The following NUP214 variants were observed in gnomAD, a reference collection of about 807,000 sequenced individuals.
NUP214 encodes nucleoporin 214.
A neutral mutation model predicts 196.2 loss-of-function variants in NUP214; 79 were observed. That is an observed-to-expected ratio of 0.40 (90% CI 0.34 to 0.49). The LOEUF is 0.49. NUP214 is among the 20% of genes least tolerant of loss of function. The pLI is 0.58. For missense variants in NUP214, 2,468 were observed against 2,539.0 expected (o/e 0.97, Z 0.60); for synonymous variants, 1,020 against 990.5 (o/e 1.03, Z -0.56).
At chr9:131,133,245 T>C in intron 7 of NUP214, 36 bp downstream of exon 7, 1 of 1,285,244 alleles carries the variant, frequency 7.8e-7, no homozygotes, top group South Asian at 1.5e-5. Context: ...GTTTGAGAAT[T>C]AGAGAAGTCT....
chr9:131,164,035 T>G (rs769241836), intron 20 of NUP214, 26 bp from the exon 21 acceptor site: 1 of 1,613,946 alleles, frequency 6.2e-7, no homozygotes, highest in Admixed American at 1.7e-5. Flanking sequence ...GTCTTAATCA[T>G]TTATGGGTTT....
At chr9:131,178,651 T>C (rs1833182081) in intron 24 of NUP214, among the ~76,000 whole-genome samples, 1 of 152,114 alleles carries the variant, frequency 6.6e-6, no homozygotes, top group Non-Finnish European at 1.5e-5. Flanking sequence ...ATGCTCAGTT[T>C]CTGTTTGCCA....
intron 4 of NUP214, 127 bp downstream of exon 4, chr9:131,129,604 G>A: frequency 4.6e-6 from 4 of 872,290 alleles, no homozygotes; most frequent in Non-Finnish European, 7.3e-6. Context: ...GGGAGGTTAA[G>A]GATGGAAGGT....
intron 30 of NUP214, among the ~76,000 whole-genome samples, chr9:131,206,686 C>T (rs149768500): frequency 6.6e-6 from 1 of 152,226 alleles, no homozygotes; most frequent in East Asian, 1.9e-4. Context: ...AAGTGATCCT[C>T]CCACCTGGAC....
intron 11 of NUP214, among the ~76,000 whole-genome samples, chr9:131,142,191 C>T (rs533875887): frequency 6.6e-6 from 1 of 152,300 alleles, no homozygotes; most frequent in East Asian, 1.9e-4. Context: ...CTATACCCAG[C>T]TGCCTGGTGT....
Position 131,134,870 on chromosome 9 carries a change from A to G in NUP214, c.832-28A>G, listed in dbSNP as rs1831671519. 14 of 1,511,208 alleles carry G rather than the reference A, an allele frequency of 9.3e-6. No individual in the cohort carries two copies. The East Asian group carries it at 3.2e-4, about 34-fold the overall frequency. 93.6% of individuals were successfully genotyped at this position (1,511,208 alleles called of 1,614,324 possible). On this transcript the variant is annotated intron_variant, in intron 7 of 35. Coordinates refer to ENST00000359428, the MANE Select transcript of NUP214 (RefSeq NM_005085.4). ...GATCTGAGAAAAATTGCACATGAGA[A>G]TTTTTTTTCTTGCTTTGTTCATTGT...
At chr9:131,155,678 G>A (rs1832415103) in intron 17 of NUP214, among the ~76,000 whole-genome samples, 1 of 152,190 alleles carries the variant, frequency 6.6e-6, no homozygotes, top group South Asian at 2.1e-4. Context: ...TGAGGATCCA[G>A]TTTCATTCTT....
chr9:131,188,627 A>G (rs964167784), intron 25 of NUP214, among the ~76,000 whole-genome samples: 5 of 152,268 alleles, frequency 3.3e-5, no homozygotes, highest in African/African-American at 1.2e-4. Context: ...AGTCATGGCG[A>G]GTGAAGGAAC....
At chr9:131,131,570 T>C (rs1024809357) in intron 5 of NUP214, among the ~76,000 whole-genome samples, 1 of 152,224 alleles carries the variant, frequency 6.6e-6, no homozygotes, top group Admixed American at 6.5e-5. Context: ...TATTTGTTAT[T>C]ACCAAAAGTT....
chr9:131,138,736 C>G (rs997849264), intron 9 of NUP214, among the ~76,000 whole-genome samples: 1 of 152,186 alleles, frequency 6.6e-6, no homozygotes, highest in Non-Finnish European at 1.5e-5. Context: ...GCTGACCAGC[C>G]TGAGGAACTG....
At chr9:131,175,792 C>T in intron 23 of NUP214, 171 bp downstream of exon 23, 1 of 996,298 alleles carries the variant, frequency 1.0e-6, no homozygotes, top group Non-Finnish European at 1.4e-6. Context: ...AAAGCAGAGA[C>T]TAGGTCTGAA....
At chr9:131,137,975 T>C (rs151015895) in intron 9 of NUP214, among the ~76,000 whole-genome samples, 52 of 152,352 alleles carry the variant, frequency 3.4e-4, no homozygotes, top group African/African-American at 1.2e-3. Flanking sequence ...TGTCCTACAA[T>C]GATAAGTCAT....
chr9:131,226,193 T>C (rs879715269), intron 32 of NUP214, among the ~76,000 whole-genome samples: 29 of 152,280 alleles, frequency 1.9e-4, no homozygotes, highest in Non-Finnish European at 1.5e-5. Context: ...AGAAAACTGC[T>C]GTGAAGCACC....
Position 131,127,541 on chromosome 9 carries a change from G to A in NUP214, c.63G>A (p.Ala21=), listed in dbSNP as rs1012074115. The A allele has an allele frequency of 6.5e-5, 105 of 1,611,400 alleles. No homozygotes were observed. Among genetic ancestry groups the A allele is most frequent in the Non-Finnish European group, 7.7e-5 (91 of 1,179,042 alleles). Residue 21 remains alanine (A), a synonymous_variant, in exon 2 of 36, where the codon GCG becomes GCA. Coordinates refer to ENST00000359428, the MANE Select transcript of NUP214 (RefSeq NM_005085.4). ...EREMKDFQFR[A]LKKVRIFDSP... ...CACAACAGGATTTTCAGTTTAGAGC[G>A]CTAAAGAAGGTGAGAATCTTTGACT...
Position 131,163,121 on chromosome 9 carries a change from A to G in NUP214, c.2671A>G (p.Thr891Ala). Residue 891 changes from threonine (T) to alanine (A), a missense_variant, in exon 19 of 36, where the codon ACT becomes GCT. Physicochemically the swap from Thr to Ala is moderately conservative, Grantham distance 58. Around this residue, in one of 5 missense-constraint regions of NUP214, gnomAD observed 1,801 missense variants for 1,779.4 expected, o/e 1.01. Transcript: ENST00000359428. ...TCAGCAGCTCCGCCTTTACAAACAGACTTCCCTGTGGAGCCTGTCCTCGGC... is the reference window on the plus strand; with the variant it reads ...TCAGCAGCTCCGCCTTTACAAACAGGCTTCCCTGTGGAGCCTGTCCTCGGC... The part of the protein sequence containing the change: ...SLQQLRLYKQ[T>A]SLWSLSSAVP... The G allele has an allele frequency of 2.5e-6, 4 of 1,614,162 alleles. No individual in the cohort carries two copies. The highest frequency in any genetic ancestry group is 3.4e-6 in the Non-Finnish European group (4 of 1,180,012).
At position 131,125,907 on chromosome 9, in the gene NUP214, G is replaced by C. The variant is rs1831332444; in HGVS notation, c.45+158G>C. On this transcript the variant is annotated intron_variant, in intron 1 of 35. Coordinates refer to ENST00000359428, the MANE Select transcript of NUP214 (RefSeq NM_005085.4). The surrounding 1 kb of genome is among the most constrained non-coding windows in gnomAD (Gnocchi z 4.1). ...AGCGCGTCTGCCGCGCCGCTGGCGT[G>C]ATAGCCCCACCGAATGCAGTTTCCC... The C allele has an allele frequency of 5.8e-6, 5 of 863,734 alleles. No individual in the cohort carries two copies. Among genetic ancestry groups the C allele is most frequent in the Non-Finnish European group, 3.6e-6 (2 of 550,982 alleles). 53.5% of individuals were successfully genotyped at this position (863,734 alleles called of 1,614,324 possible). A position where few individuals can be genotyped will look rare whatever the true frequency, so the allele number is the denominator to read the frequency against.
intron 30 of NUP214, among the ~76,000 whole-genome samples, chr9:131,213,474 C>A (rs1834304137): frequency 6.6e-6 from 1 of 152,196 alleles, no homozygotes; most frequent in African/African-American, 2.4e-5. Flanking sequence ...TGCACCCAGC[C>A]TGTCAAATCA....
Position 131,223,727 on chromosome 9 carries a change from A to ATTTATTTATTTATTTATTTTATTTT in NUP214, c.5902+800_5902+801insATTTATTTATTTATTTTATTTTTTT. ...TTTTTTTATTTTTATTTATTTATTT[A>ATTTATTTATTTATTTATTTTATTTT]TTTTTTTTTTTTTTTTTTTTTTTTT... On this transcript the variant is annotated intron_variant, in intron 32 of 35. Transcript: ENST00000359428. 1.0e-3 allele frequency among the ~76,000 whole-genome samples: 16 copies of ATTTATTTATTTATTTATTTTATTTT among 15,658 alleles called. 2 individuals are homozygous for ATTTATTTATTTATTTATTTTATTTT. Among genetic ancestry groups the ATTTATTTATTTATTTATTTTATTTT allele is most frequent in the African/African-American group, 2.4e-3 (16 of 6,616 alleles). The allele number at this position is 15,658 out of a possible 152,430, so 10.3% of individuals were successfully genotyped here.
At chr9:131,185,704 G>C (rs555913631) in intron 24 of NUP214, among the ~76,000 whole-genome samples, 38 of 152,248 alleles carry the variant, frequency 2.5e-4, no homozygotes, top group African/African-American at 8.7e-4. Context: ...CTTGATAAGA[G>C]ATTTATTGGA....
Sources: gnomAD v4.1 joint callset for allele counts (sites outside exome capture counted in the v4.1 genomes callset) on GRCh38, gnomAD v4.1.1 for gene constraint, gnomAD v4.1.1 regional missense constraint, Gnocchi (gnomAD v3.1) non-coding constraint, MANE v1.5 for transcripts, NCBI Gene and HGNC (gene_info 2026-07-23, HGNC 2026-07-21) for gene names.